NBPF15: variants seen among roughly 807,000 people sequenced by gnomAD.
NBPF15 encodes NBPF family member NBPF15.
NBPF15 carries 74 observed loss-of-function variants against 62.2 expected under a neutral mutation model. That is an observed-to-expected ratio of 1.19 (90% CI 0.99 to 1.44). The LOEUF (loss-of-function observed/expected upper bound fraction) is 1.44, where lower values mean the gene tolerates loss of function less well. Among genes scored for constraint, NBPF15 ranks in the 40% most tolerant of loss-of-function variants. The probability of loss-of-function intolerance (pLI) is 0.00; values close to 1 mark genes in which losing one functional copy is unlikely to be tolerated. For missense variants in NBPF15, 790 were observed against 550.0 expected, an observed-to-expected ratio of 1.44 and a Z score of -4.36; for synonymous variants, 244 against 209.7, an observed-to-expected ratio of 1.16 and a Z score of -1.41.
At chr1:144,424,074 A>G in intron 20 of NBPF15, 99 bp from the exon 21 acceptor site, 1 of 758,026 alleles carries the variant, frequency 1.3e-6, no homozygotes, top group Non-Finnish European at 2.4e-6. Flanking sequence ...CAGGCTCCTC[A>G]GCATAAGAAT....
At chr1:144,451,753 C>T (rs1331405511) in intron 4 of NBPF15, among the ~76,000 whole-genome samples, 1 of 151,360 alleles carries the variant, frequency 6.6e-6, no homozygotes, top group Non-Finnish European at 1.5e-5. Flanking sequence ...TACAGATTAA[C>T]AGCGTCTCAA....
At chr1:144,457,210 A>G (rs71239348) in intron 3 of NBPF15, among the ~76,000 whole-genome samples, 1 of 152,058 alleles carries the variant, frequency 6.6e-6, no homozygotes, top group Non-Finnish European at 1.5e-5. Flanking sequence ...AAGTTTTCAC[A>G]AAGTAATACT....
intron 6 of NBPF15, chr1:144,442,701 C>T: frequency 5.9e-6 from 1 of 169,422 alleles, no homozygotes; most frequent in South Asian, 1.5e-4. Flanking sequence ...CAGGGAAAAC[C>T]TTCCTCAACA....
chr1:144,440,960 A>T (rs1184128895), intron 6 of NBPF15, among the ~76,000 whole-genome samples: 1 of 151,370 alleles, frequency 6.6e-6, no homozygotes, highest in Non-Finnish European at 1.5e-5. Flanking sequence ...GAGCCACCGC[A>T]CCCGGCCGAC....
intron 6 of NBPF15, among the ~76,000 whole-genome samples, chr1:144,445,662 C>T (rs1182911543): frequency 6.6e-6 from 1 of 150,802 alleles, no homozygotes; most frequent in Non-Finnish European, 1.5e-5. Context: ...ACCAAAATGC[C>T]GCTTGGAATT....
At chr1:144,457,229 A>T (rs1361682522) in intron 3 of NBPF15, among the ~76,000 whole-genome samples, 6 of 152,066 alleles carry the variant, frequency 3.9e-5, no homozygotes, top group Admixed American at 3.3e-4. Context: ...CTTGAGGCAG[A>T]TCTTAGTGAA....
intron 3 of NBPF15, among the ~76,000 whole-genome samples, chr1:144,458,970 G>A (rs587677096): frequency 0.027 from 4,029 of 151,380 alleles, 149 homozygotes; most frequent in African/African-American, 0.092. Context: ...GAGCCAGGAG[G>A]TGGAGGTTGC....
At chr1:144,460,091 G>T (rs1651548534) in intron 2 of NBPF15, among the ~76,000 whole-genome samples, 1 of 107,972 alleles carries the variant, frequency 9.3e-6, no homozygotes, top group South Asian at 4.0e-4. Context: ...CACCCAGGCG[G>T]GAGTGCACTG....
At position 144,431,411 on chromosome 1, in the gene NBPF15, G is replaced by A. The variant is rs1219574767; in HGVS notation, c.825-1548C>T. On this transcript the variant is annotated intron_variant, in intron 13 of 21. Coordinates refer to ENST00000581897, the MANE Select transcript of NBPF15 (RefSeq NM_001385408.1). ...CCCTACAAGCCAGAAGAGAGTGGGA[G>A]CAATATTCAACATTCTTTTTTTTTC... is the stretch of plus-strand genomic sequence containing the variant. Among the ~76,000 whole-genome samples, 5 of 150,534 alleles carry A rather than the reference G, an allele frequency of 3.3e-5. No individual in the cohort carries two copies. In the South Asian group the frequency reaches 8.4e-4, roughly 25 times the overall value.
chr1:144,452,447 A>G lies in NBPF15; in HGVS notation c.-431-1577T>C, dbSNP rs9438130. ...TATAAAGTCCCAAACACAGGAAAAT[A>G]TAAATATAATGAAGTCTGCTTTCCA... On this transcript the variant is annotated intron_variant, in intron 4 of 21. Coordinates refer to ENST00000581897, the MANE Select transcript of NBPF15 (RefSeq NM_001385408.1). 8.6e-3 allele frequency among the ~76,000 whole-genome samples: 1,133 copies of G among 131,696 alleles called. 7 individuals are homozygous for G. The highest frequency in any genetic ancestry group is 0.032 in the South Asian group (116 of 3,616). 86.4% of individuals were successfully genotyped at this position (131,696 alleles called of 152,430 possible).
chr1:144,425,384 C>G (rs1669007615), intron 19 of NBPF15, 133 bp downstream of exon 19: 1 of 265,130 alleles, frequency 3.8e-6, no homozygotes, highest in Non-Finnish European at 7.0e-6. Flanking sequence ...TGAAAACCAA[C>G]AGCAATGTTA....
In NBPF15 at chr1:144,439,864, A is replaced by G. The variant is rs1553542249; in HGVS notation, c.140T>C (p.Leu47Pro). 4.3e-6 allele frequency: 7 copies of G among 1,609,960 alleles called. No individual in the cohort carries two copies. In the South Asian group the frequency reaches 5.5e-5, roughly 13 times the overall value. ...NLKEKCFLTQ[L>P]AGFLANRQKK... ...CTGTCGGTTGGCCAGGAAGCCGGCC[A>G]GTTGAGTTAGAAAACATTTCTCTTT... Residue 47 changes from leucine to proline, a missense_variant, in exon 8 of 22, where the codon CTG (leucine) becomes CCG (proline). Leu to Pro is a moderately conservative substitution (Grantham distance 98, BLOSUM62 -3). Transcript: ENST00000581897.
At chr1:144,444,239 C>T (rs1360727572) in intron 6 of NBPF15, among the ~76,000 whole-genome samples, 7 of 148,794 alleles carry the variant, frequency 4.7e-5, no homozygotes, top group East Asian at 2.0e-4. Context: ...GTTTCAGTAC[C>T]GACTGAGTGG....
chr1:144,447,549 G>A (rs1688471868), intron 6 of NBPF15, among the ~76,000 whole-genome samples: 1 of 151,758 alleles, frequency 6.6e-6, no homozygotes, highest in South Asian at 2.1e-4. Flanking sequence ...ATTCTAGAAG[G>A]GACAAGCCCC....
rs1553542855 is a variant in NBPF15 at position 144,442,160 on chromosome 1, GTGTATA to G, written c.-190-1871_-190-1866del. Among the ~76,000 whole-genome samples, 2 of 930 alleles carry G rather than the reference GTGTATA, an allele frequency of 2.2e-3. 1 individual carries two copies. Among genetic ancestry groups the G allele is most frequent in the Non-Finnish European group, 5.2e-3 (2 of 384 alleles). 0.6% of individuals were successfully genotyped at this position (930 alleles called of 152,430 possible). The stretch of plus-strand genomic sequence containing the variant: ...ATATATATATATAATATATATACAC[GTGTATA>G]TATATATATATATAATATATATACA... On this transcript the variant is annotated intron_variant, in intron 6 of 21. Coordinates refer to ENST00000581897, the MANE Select transcript of NBPF15 (RefSeq NM_001385408.1).
chr1:144,444,722 G>A (rs1319936963), intron 6 of NBPF15, among the ~76,000 whole-genome samples: 3 of 151,844 alleles, frequency 2.0e-5, no homozygotes, highest in Admixed American at 6.6e-5. Context: ...TTGGTCTGGT[G>A]ATAATTTCCA....
chr1:144,445,354 TAC>T (rs57409765), intron 6 of NBPF15, among the ~76,000 whole-genome samples: 1,730 of 104,228 alleles, frequency 0.017, 9 homozygotes, highest in East Asian at 0.039. Flanking sequence ...TATATATATA[TAC>T]ACACACACAC....
chr1:144,423,811 G>A (rs1667521134), intron 21 of NBPF15, 59 bp downstream of exon 21: 1 of 746,300 alleles, frequency 1.3e-6, no homozygotes, highest in Admixed American at 1.8e-5. Context: ...TGGTTTCCCT[G>A]AATCTGTTGC....
chr1:144,428,063 G>C, intron 15 of NBPF15, 73 bp from the exon 16 acceptor site: 1 of 784,762 alleles, frequency 1.3e-6, no homozygotes, highest in South Asian at 1.4e-5. Flanking sequence ...TAGATTTCAT[G>C]GCTAACATAA....
Sources: gnomAD v4.1 joint callset for allele counts (sites outside exome capture counted in the v4.1 genomes callset) on GRCh38, gnomAD v4.1.1 for gene constraint, MANE v1.5 for transcripts, NCBI Gene and HGNC (gene_info 2026-07-23, HGNC 2026-07-21) for gene names.